The following CFAP299 variants were observed in gnomAD, a reference collection of about 807,000 sequenced individuals.
CFAP299 encodes the protein cilia- and flagella-associated protein 299.
Under a neutral mutation model 27.0 loss-of-function variants are expected in CFAP299, and 21 were observed. The ratio of observed to expected loss-of-function variants is 0.78; its 90% CI spans 0.55 to 1.12. The LOEUF (loss-of-function observed/expected upper bound fraction) is 1.12. CFAP299 is among the 50% of genes most tolerant of loss of function. The pLI, the probability that CFAP299 is intolerant of heterozygous loss-of-function variation, is 0.00. For synonymous variants in CFAP299, 104 were observed against 98.1 expected, an observed-to-expected ratio of 1.06 and a Z score of -0.36; for missense variants, 310 against 276.6, an observed-to-expected ratio of 1.12 and a Z score of -0.86.
intron 3 of CFAP299, among the ~76,000 whole-genome samples, chr4:80,772,491 G>A (rs1375327419): frequency 1.3e-5 from 2 of 152,042 alleles, no homozygotes; most frequent in African/African-American, 4.8e-5. Context: ...AATCTCATAT[G>A]TAATTAGATT....
chr4:80,860,723 G>A (rs1430844400), intron 3 of CFAP299, among the ~76,000 whole-genome samples: 10 of 152,174 alleles, frequency 6.6e-5, no homozygotes, highest in Non-Finnish European at 1.3e-4. Flanking sequence ...CAGAACAGTG[G>A]TTTTTCATGA....
intron 3 of CFAP299, among the ~76,000 whole-genome samples, chr4:80,674,428 G>A (rs565517125): frequency 1.3e-5 from 2 of 152,220 alleles, no homozygotes; most frequent in Admixed American, 6.5e-5. Flanking sequence ...TGGGTAACCT[G>A]ACCTTTCTCT....
intron 3 of CFAP299, among the ~76,000 whole-genome samples, chr4:80,690,886 A>G (rs374485573): frequency 5.3e-5 from 8 of 149,906 alleles, no homozygotes; most frequent in Middle Eastern, 3.5e-3. Flanking sequence ...ACAGAAATAC[A>G]AACTACCATC....
rs1560688078 is a variant in CFAP299, at chr4:80,669,137, CTTTCTTTCTTTCTTTTT to C, written c.333+85958_333+85974del. Among the ~76,000 whole-genome samples the C allele has an allele frequency of 1.0e-3, 16 of 15,558 alleles. 1 individual carries two copies. The East Asian group carries it at 0.04, about 39-fold the overall frequency. 10.2% of individuals were successfully genotyped at this position (15,558 alleles called of 152,430 possible). On this transcript the variant is annotated intron_variant, in intron 3 of 5. Coordinates refer to ENST00000358105, the MANE Select transcript of CFAP299 (RefSeq NM_152770.3). ...TTCTTTTCTTTTCTTTTCTGTCTTT[CTTTCTTTCTTTCTTTTT>C]TTTTTTTTTTTTTTTTTTTTTTTTG...
intron 2 of CFAP299, among the ~76,000 whole-genome samples, chr4:80,507,319 G>T (rs549803492): frequency 6.6e-6 from 1 of 152,206 alleles, no homozygotes; most frequent in African/African-American, 2.4e-5. Context: ...CATTCTATGG[G>T]GGCGTCACAT....
chr4:80,498,713 T>C (rs1009300794), intron 2 of CFAP299, among the ~76,000 whole-genome samples: 1 of 152,140 alleles, frequency 6.6e-6, no homozygotes, highest in Non-Finnish European at 1.5e-5. Flanking sequence ...AAAATAGAAC[T>C]ACCATTTGAC....
chr4:80,416,451 T>C (rs138223738), intron 2 of CFAP299, among the ~76,000 whole-genome samples: 2 of 152,194 alleles, frequency 1.3e-5, no homozygotes, highest in Non-Finnish European at 1.5e-5. Context: ...AAAGCAGATA[T>C]AGCTAATACA....
chr4:80,747,361 A>G (rs1023849872), intron 3 of CFAP299, among the ~76,000 whole-genome samples: 5 of 152,054 alleles, frequency 3.3e-5, no homozygotes, highest in African/African-American at 1.2e-4. Flanking sequence ...ACTATTATGG[A>G]CACACTATCA....
chr4:80,822,789 C>A (rs1487836218), intron 3 of CFAP299, among the ~76,000 whole-genome samples: 1 of 152,108 alleles, frequency 6.6e-6, no homozygotes, highest in Non-Finnish European at 1.5e-5. Flanking sequence ...ATTGTGCAGC[C>A]TGATTTATCA....
intron 4 of CFAP299, among the ~76,000 whole-genome samples, chr4:80,895,376 T>C (rs1734565518): frequency 6.6e-6 from 1 of 151,992 alleles, no homozygotes; most frequent in Non-Finnish European, 1.5e-5. Context: ...TCATATTAAT[T>C]TGAACCACTT....
At chr4:80,653,735 CAAT>C (rs1329672297) in intron 3 of CFAP299, among the ~76,000 whole-genome samples, 1 of 152,086 alleles carries the variant, frequency 6.6e-6, no homozygotes, top group Non-Finnish European at 1.5e-5. Context: ...TTGAAGCATA[CAAT>C]ACATTTTTAA....
At chr4:80,408,442 G>A (rs749148623) in intron 2 of CFAP299, among the ~76,000 whole-genome samples, 2 of 152,114 alleles carry the variant, frequency 1.3e-5, no homozygotes, top group Admixed American at 6.5e-5. Context: ...TTTGTGAAAA[G>A]CCTGTTTTCA....
At chr4:80,492,864 G>A (rs1217905510) in intron 2 of CFAP299, among the ~76,000 whole-genome samples, 2 of 152,190 alleles carry the variant, frequency 1.3e-5, no homozygotes, top group African/African-American at 4.8e-5. Context: ...AGGCCCTGGG[G>A]TGATGGAGAC....
At chr4:80,653,618 T>C (rs544942129) in intron 3 of CFAP299, among the ~76,000 whole-genome samples, 1 of 152,224 alleles carries the variant, frequency 6.6e-6, no homozygotes, top group African/African-American at 2.4e-5. Context: ...GAAAAAAACA[T>C]ATTAGCACTT....
intron 3 of CFAP299, among the ~76,000 whole-genome samples, chr4:80,693,552 T>TC (rs1720885164): frequency 4.8e-5 from 1 of 20,814 alleles, no homozygotes; most frequent in Non-Finnish European, 9.0e-5. Context: ...TGTGGTGGGG[T>TC]GGGGGAGGGG....
intron 3 of CFAP299, among the ~76,000 whole-genome samples, chr4:80,838,898 TTCTA>T (rs1260003472): frequency 6.6e-6 from 1 of 152,174 alleles, no homozygotes; most frequent in East Asian, 1.9e-4. Context: ...ATGTGGATAC[TTCTA>T]TCTGTTTCAA....
chr4:80,501,394 CAT>C lies in CFAP299; in HGVS notation c.243-81695_243-81694del, dbSNP rs570100494. On this transcript the variant is annotated intron_variant, in intron 2 of 5. Coordinates refer to ENST00000358105, the MANE Select transcript of CFAP299 (RefSeq NM_152770.3). ...ATAAATACATGTAATTCTATATAAACATATAAATATGTAATTTCATATAACTA... is the reference window on the plus strand; with the variant it reads ...ATAAATACATGTAATTCTATATAAACATAAATATGTAATTTCATATAACTA... Among the ~76,000 whole-genome samples the C allele has an allele frequency of 4.1e-3, 607 of 147,972 alleles. 2 individuals carry two copies. The highest frequency in any genetic ancestry group is 0.014 in the African/African-American group (570 of 40,800).
intron 3 of CFAP299, among the ~76,000 whole-genome samples, chr4:80,643,893 C>T (rs1739849606): frequency 1.3e-5 from 2 of 152,116 alleles, no homozygotes; most frequent in Admixed American, 1.3e-4. Context: ...GTAATATGCT[C>T]TTTTCACAGA....
At chr4:80,522,483 C>T (rs1048758836) in intron 2 of CFAP299, among the ~76,000 whole-genome samples, 4 of 152,072 alleles carry the variant, frequency 2.6e-5, no homozygotes, top group African/African-American at 9.7e-5. Context: ...GTTCCCTTGG[C>T]TGCACAGAAG....
Sources: gnomAD v4.1 joint callset for allele counts (sites outside exome capture counted in the v4.1 genomes callset) on GRCh38, gnomAD v4.1.1 for gene constraint, MANE v1.5 for transcripts, NCBI Gene and HGNC (gene_info 2026-07-23, HGNC 2026-07-21) for gene names.